GNG7: variants seen among roughly 807,000 people sequenced by gnomAD.
The protein encoded by GNG7 is G protein subunit gamma 7.
Under a neutral mutation model 4.0 loss-of-function variants are expected in GNG7, and 1 was observed. The ratio of observed to expected loss-of-function variants is 0.25; its 90% CI spans 0.09 to 1.18. The LOEUF is 1.18. GNG7 is among the 50% of genes most tolerant of loss of function. The pLI is 0.50. For synonymous variants in GNG7, 34 were observed against 36.9 expected (o/e 0.92, Z 0.29); for missense variants, 86 against 91.9 (o/e 0.94, Z 0.26).
intron 2 of GNG7, among the ~76,000 whole-genome samples, chr19:2,569,349 C>T (rs572217185): frequency 1.3e-5 from 2 of 152,260 alleles, no homozygotes; most frequent in South Asian, 4.1e-4. Context: ...GATCTCGGCT[C>T]ACTGCAAGCT....
intron 2 of GNG7, among the ~76,000 whole-genome samples, chr19:2,623,212 T>A (rs1311855134): frequency 6.6e-6 from 1 of 152,048 alleles, no homozygotes; most frequent in African/African-American, 2.4e-5. Context: ...CCCAGCTACT[T>A]TGGAGGCTGA....
chr19:2,560,412 C>G (rs993955437), intron 2 of GNG7, among the ~76,000 whole-genome samples: 1 of 152,098 alleles, frequency 6.6e-6, no homozygotes, highest in African/African-American at 2.4e-5. Flanking sequence ...TTAGGGGGCC[C>G]AAGCAGGACC....
intron 3 of GNG7, among the ~76,000 whole-genome samples, chr19:2,553,734 T>C (rs1268429640): frequency 1.3e-5 from 2 of 148,944 alleles, no homozygotes; most frequent in East Asian, 1.9e-4. Flanking sequence ...ATGTACATAT[T>C]ACATGCAATA....
At chr19:2,530,700 ACAGAG>A (rs533447108) in intron 3 of GNG7, among the ~76,000 whole-genome samples, 7 of 152,206 alleles carry the variant, frequency 4.6e-5, no homozygotes, top group Non-Finnish European at 8.8e-5. Flanking sequence ...AGCCTGGGTG[ACAGAG>A]TGAGACCCTG....
rs570432206 is a variant in GNG7, at chr19:2,541,876, T to C, written c.-38+13273A>G. The stretch of plus-strand genomic sequence containing the variant: ...GTTGCAGTGAGCTAGGGTTTCACCA[T>C]TGCACTCCAGACTGGGGGACAAAGT... On this transcript the variant is annotated intron_variant, in intron 3 of 4. Transcript: ENST00000382159. Among the ~76,000 whole-genome samples the C allele has an allele frequency of 5.3e-5, 8 of 152,086 alleles. No individual in the cohort carries two copies. In the East Asian group the frequency reaches 9.7e-4, roughly 18 times the overall value.
intron 2 of GNG7, among the ~76,000 whole-genome samples, chr19:2,568,190 TACAC>T (rs918931051): frequency 1.5e-5 from 2 of 136,300 alleles, no homozygotes; most frequent in African/African-American, 2.9e-5. Context: ...CACATGCACA[TACAC>T]ACACATATAG....
intron 2 of GNG7, among the ~76,000 whole-genome samples, chr19:2,606,057 G>C (rs544329973): frequency 6.6e-6 from 1 of 152,214 alleles, no homozygotes; most frequent in African/African-American, 2.4e-5. Flanking sequence ...CCCCGCAGTC[G>C]GGCAAGCTTC....
chr19:2,554,422 C>T (rs1160640912), intron 3 of GNG7, among the ~76,000 whole-genome samples: 1 of 149,908 alleles, frequency 6.7e-6, no homozygotes. Flanking sequence ...TAGCTCACTG[C>T]AACCCCGAAC....
chr19:2,538,654 T>A lies in GNG7; in HGVS notation c.-38+16495A>T, dbSNP rs978689092. 5 of 449,894 alleles carry A rather than the reference T, an allele frequency of 1.1e-5. No homozygotes were observed. In the Admixed American group the frequency reaches 1.3e-4, roughly 11 times the overall value. The allele number at this position is 449,894 out of a possible 1,614,324, so 27.9% of individuals were successfully genotyped here. On this transcript the variant is annotated intron_variant, in intron 3 of 4. Coordinates refer to ENST00000382159, the MANE Select transcript of GNG7 (RefSeq NM_052847.3). ...TTTAAAAAAACACAATAGAAAGGCA[T>A]GCATATATTTTACTTACAAGGTTCA...
chr19:2,633,524 C>CAT lies in GNG7; in HGVS notation c.-78+12699_-78+12700insAT, dbSNP rs56163800. Among the ~76,000 whole-genome samples, 3 of 150,102 alleles carry CAT rather than the reference C, an allele frequency of 2.0e-5. No individual in the cohort carries two copies. The highest frequency in any genetic ancestry group is 2.0e-4 in the Admixed American group (3 of 15,090). ...ACACACACACACACACACACACACA[C>CAT]GAGAGGTGGCTGTGGTCTGCACACT... On this transcript the variant is annotated intron_variant, in intron 2 of 4. Coordinates refer to ENST00000382159, the MANE Select transcript of GNG7 (RefSeq NM_052847.3). This position sits in a 1 kb window ranked among gnomAD's most constrained non-coding sequence, Gnocchi z 5.9.
chr19:2,516,533 T>C (rs1292133575), intron 4 of GNG7, among the ~76,000 whole-genome samples: 2 of 152,132 alleles, frequency 1.3e-5, no homozygotes, highest in Non-Finnish European at 2.9e-5. Context: ...CTAAAAAATA[T>C]TTTTTTAAAA....
chr19:2,676,663 G>A (rs573139646), intron 1 of GNG7, among the ~76,000 whole-genome samples: 2 of 152,234 alleles, frequency 1.3e-5, no homozygotes, highest in South Asian at 2.1e-4. Context: ...TGATCCTCCC[G>A]CCTCGGCCTC....
chr19:2,667,045 C>T (rs894624562), intron 1 of GNG7, among the ~76,000 whole-genome samples: 2 of 152,216 alleles, frequency 1.3e-5, no homozygotes, highest in Admixed American at 6.5e-5. Context: ...CTCATCCGGG[C>T]GCGGTGGCTC....
intron 2 of GNG7, among the ~76,000 whole-genome samples, chr19:2,637,081 C>G (rs369530826): frequency 5.3e-5 from 8 of 152,130 alleles, no homozygotes; most frequent in Admixed American, 3.9e-4. Flanking sequence ...CTGCACCCCC[C>G]GCATCTCCAG....
chr19:2,514,801 A>G lies in GNG7; in HGVS notation c.*221T>C. ...GAGAGGGCCATGGGGTCGGACCTGAAAATTCATCTCCACCTACAAGGTCCA... is the reference window on the plus strand; with the variant it reads ...GAGAGGGCCATGGGGTCGGACCTGAGAATTCATCTCCACCTACAAGGTCCA... On this transcript the variant is annotated 3_prime_UTR_variant, in exon 5 of 5. Coordinates refer to ENST00000382159, the MANE Select transcript of GNG7 (RefSeq NM_052847.3). 2.2e-6 allele frequency: 1 copy of G among 447,670 alleles called. No homozygotes were observed. Among genetic ancestry groups the G allele is most frequent in the South Asian group, 2.9e-5 (1 of 34,726 alleles). 27.7% of individuals were successfully genotyped at this position (447,670 alleles called of 1,614,324 possible).
Position 2,614,981 on chromosome 19 carries a change from A to AC in GNG7, c.-78+31242dup, listed in dbSNP as rs1037375894. ...GGCAGGCAGCTGATTGTTGAAGGTCACCCCGTAGCCATTGGCAGAGCCAGA... is the reference window on the plus strand; with the variant it reads ...GGCAGGCAGCTGATTGTTGAAGGTCACCCCCGTAGCCATTGGCAGAGCCAGA... On this transcript the variant is annotated intron_variant, in intron 2 of 4. Coordinates refer to ENST00000382159, the MANE Select transcript of GNG7 (RefSeq NM_052847.3). This position sits in a 1 kb window ranked among gnomAD's most constrained non-coding sequence, Gnocchi z 6.0. Among the ~76,000 whole-genome samples, 1 of 152,046 alleles carries AC rather than the reference A, an allele frequency of 6.6e-6. No homozygotes were observed. The highest frequency in any genetic ancestry group is 2.4e-5 in the African/African-American group (1 of 41,390).
intron 1 of GNG7, among the ~76,000 whole-genome samples, chr19:2,652,703 G>A (rs943862190): frequency 4.6e-5 from 7 of 152,056 alleles, no homozygotes; most frequent in African/African-American, 1.7e-4. Flanking sequence ...GGAAAGGAAG[G>A]GGGAGATGGG....
chr19:2,614,410 C>T lies in GNG7; in HGVS notation c.-78+31814G>A, dbSNP rs539836964. Among the ~76,000 whole-genome samples the T allele has an allele frequency of 1.2e-4, 18 of 152,276 alleles. No individual in the cohort carries two copies. The highest frequency in any genetic ancestry group is 4.3e-4 in the African/African-American group (18 of 41,548). On this transcript the variant is annotated intron_variant, in intron 2 of 4. Coordinates refer to ENST00000382159, the MANE Select transcript of GNG7 (RefSeq NM_052847.3). This position sits in a 1 kb window ranked among gnomAD's most constrained non-coding sequence, Gnocchi z 6.0. The stretch of plus-strand genomic sequence containing the variant: ...GCTAGCTCTAGAACATTCTCAGCCC[C>T]CCAAAAAGACACCCCATCCCTATCA...
At chr19:2,530,552 C>A (rs1272078744) in intron 3 of GNG7, among the ~76,000 whole-genome samples, 1 of 150,790 alleles carries the variant, frequency 6.6e-6, no homozygotes, top group African/African-American at 2.4e-5. Flanking sequence ...GAAACCCCGT[C>A]TCTATTAAAA....
Sources: allele counts gnomAD v4.1 joint callset (sites outside exome capture counted in the v4.1 genomes callset), GRCh38; gene constraint gnomAD v4.1.1; non-coding constraint Gnocchi (gnomAD v3.1); transcripts MANE v1.5; gene names NCBI Gene and HGNC (gene_info 2026-07-23, HGNC 2026-07-21).